IGFBP7: variants seen among roughly 807,000 people sequenced by gnomAD.
IGFBP7 encodes insulin-like growth factor-binding protein 7.
A neutral mutation model predicts 29.4 loss-of-function variants in IGFBP7; 31 were observed. The observed-to-expected ratio is 1.05, with a 90% CI of 0.79 to 1.42. The LOEUF is 1.42. Among genes scored for constraint, IGFBP7 ranks in the 40% most tolerant of loss-of-function variants. The probability of loss-of-function intolerance (pLI) is 0.00; values close to 1 mark genes in which losing one functional copy is unlikely to be tolerated. For missense variants in IGFBP7, 393 were observed against 395.5 expected (o/e 0.99, Z 0.05); for synonymous variants, 172 against 174.9 (o/e 0.98, Z 0.13).
chr4:57,064,742 CTTATA>C (rs1184992740), intron 1 of IGFBP7, among the ~76,000 whole-genome samples: 1 of 152,188 alleles, frequency 6.6e-6, no homozygotes, highest in African/African-American at 2.4e-5. Flanking sequence ...GACCAAATCT[CTTATA>C]TAAGAGGCCC....
At chr4:57,069,310 CT>C (rs1337432128) in intron 1 of IGFBP7, among the ~76,000 whole-genome samples, 1 of 152,040 alleles carries the variant, frequency 6.6e-6, no homozygotes, top group African/African-American at 2.4e-5. Context: ...GCAAATAGGC[CT>C]GGGGTGATGG....
At chr4:57,090,179 C>T (rs1433965373) in intron 1 of IGFBP7, among the ~76,000 whole-genome samples, 1 of 152,170 alleles carries the variant, frequency 6.6e-6, no homozygotes, top group Non-Finnish European at 1.5e-5. Flanking sequence ...TCTTCTCTTC[C>T]TCTTCCCCAA....
Position 57,031,224 on chromosome 4 carries a change from G to A in IGFBP7, c.*93C>T, listed in dbSNP as rs1281530606. 5 of 1,043,134 alleles carry A rather than the reference G, an allele frequency of 4.8e-6. No individual in the cohort carries two copies. Among genetic ancestry groups the A allele is most frequent in the Non-Finnish European group, 7.4e-6 (5 of 671,884 alleles). 64.6% of individuals were successfully genotyped at this position (1,043,134 alleles called of 1,614,324 possible). Reference sequence around the variant, plus strand: ...CAGTGAATATAACTAAAGTGTTAGTGGATTGGATTAAAAGAAACTTATTAG... The same window carrying A: ...CAGTGAATATAACTAAAGTGTTAGTAGATTGGATTAAAAGAAACTTATTAG... On this transcript the variant is annotated 3_prime_UTR_variant, in exon 5 of 5. Coordinates refer to ENST00000295666, the MANE Select transcript of IGFBP7 (RefSeq NM_001553.3).
chr4:57,033,189 A>C lies in IGFBP7; in HGVS notation c.702+6T>G, dbSNP rs762529300. 3.3e-5 allele frequency: 51 copies of C among 1,565,088 alleles called. No homozygotes were observed. The highest frequency in any genetic ancestry group is 5.0e-5 in the Admixed American group (3 of 59,914). On this transcript the variant is annotated splice_donor_region_variant and intron_variant, in intron 3 of 4. Transcript: ENST00000295666. ...ACTCTTGCCAGCTCTTGGTACTGGT[A>C]CTCACCAGCACCCAGCCAGTTACTT...
At chr4:57,073,448 A>G (rs970730296) in intron 1 of IGFBP7, among the ~76,000 whole-genome samples, 1 of 151,816 alleles carries the variant, frequency 6.6e-6, no homozygotes, top group African/African-American at 2.4e-5. Flanking sequence ...TGTAAAAATT[A>G]GCTGGGCATG....
At position 57,054,445 on chromosome 4, in the gene IGFBP7, T is replaced by C. The variant is rs558589603; in HGVS notation, c.476-13512A>G. ...GTCAGGAGATCGAGACCATCCTGGC[T>C]AACATGGTGAAAACCCGTCTCTACT... On this transcript the variant is annotated intron_variant, in intron 1 of 4. Coordinates refer to ENST00000295666, the MANE Select transcript of IGFBP7 (RefSeq NM_001553.3). Among the ~76,000 whole-genome samples the C allele has an allele frequency of 1.8e-4, 28 of 152,020 alleles. No individual in the cohort carries two copies. The East Asian group carries it at 4.3e-3, about 23-fold the overall frequency.
intron 1 of IGFBP7, among the ~76,000 whole-genome samples, chr4:57,043,288 C>T (rs1163752971): frequency 6.6e-5 from 10 of 152,278 alleles, no homozygotes; most frequent in Admixed American, 2.6e-4. Context: ...CCATGCTTAG[C>T]ATGGTTTCTT....
intron 1 of IGFBP7, among the ~76,000 whole-genome samples, chr4:57,042,503 A>G (rs1340090377): frequency 1.3e-5 from 2 of 152,212 alleles, no homozygotes; most frequent in African/African-American, 4.8e-5. Context: ...CTACAAGTGC[A>G]TGCCCAGCTA....
At chr4:57,088,342 AT>A (rs1282715958) in intron 1 of IGFBP7, among the ~76,000 whole-genome samples, 1 of 152,182 alleles carries the variant, frequency 6.6e-6, no homozygotes, top group Non-Finnish European at 1.5e-5. Flanking sequence ...TGCCACAAAT[AT>A]AATGTTAAAA....
intron 1 of IGFBP7, among the ~76,000 whole-genome samples, chr4:57,090,665 C>T (rs746461437): frequency 2.0e-4 from 30 of 151,946 alleles, no homozygotes; most frequent in Admixed American, 4.6e-4. Context: ...GGTGAAACCC[C>T]GTCTCTACTA....
intron 1 of IGFBP7, among the ~76,000 whole-genome samples, chr4:57,041,442 G>A (rs2109744244): frequency 6.6e-6 from 1 of 152,338 alleles, no homozygotes; most frequent in South Asian, 2.1e-4. Flanking sequence ...TAGGATCTAA[G>A]GTTGAAAAGG....
At position 57,033,238 on chromosome 4, in the gene IGFBP7, G is replaced by T. The variant is rs1723991770; in HGVS notation, c.659C>A (p.Thr220Asn). The change falls in exon 3 of 5, where the codon ACC becomes AAC. Residue 220 changes from threonine (T) to asparagine (N), a missense_variant. By Grantham distance (65) the Thr-to-Asn change is moderately conservative. Transcript: ENST00000295666. ...TTCATGCTTTTCTGGGCCACCCCGG[G>T]TCTGAATGGCCAGGTTGTCCCGGTC... The part of the protein sequence containing the change: ...PGDRDNLAIQ[T>N]RGGPEKHEVT... 10 of 1,614,018 alleles carry T rather than the reference G, an allele frequency of 6.2e-6. No homozygotes were observed. In the Admixed American group the frequency reaches 1.5e-4, roughly 24 times the overall value.
chr4:57,058,131 C>CA (rs33988596), intron 1 of IGFBP7, among the ~76,000 whole-genome samples: 1 of 151,678 alleles, frequency 6.6e-6, no homozygotes, highest in Non-Finnish European at 1.5e-5. Flanking sequence ...TTTTAACTTA[C>CA]AAAAAAATAA....
intron 4 of IGFBP7, 72 bp downstream of exon 4, chr4:57,032,353 TC>T: frequency 1.3e-6 from 2 of 1,574,442 alleles, no homozygotes; most frequent in Non-Finnish European, 1.7e-6. Flanking sequence ...TCTGATACTT[TC>T]ATACTTAGTT....
chr4:57,055,638 G>C (rs1201545123), intron 1 of IGFBP7, among the ~76,000 whole-genome samples: 3 of 56,686 alleles, frequency 5.3e-5, no homozygotes, highest in Non-Finnish European at 8.2e-5. Context: ...GGTGGACAGG[G>C]TCATCGCGGT....
chr4:57,078,033 C>T (rs765722038), intron 1 of IGFBP7, among the ~76,000 whole-genome samples: 1 of 152,142 alleles, frequency 6.6e-6, no homozygotes, highest in Non-Finnish European at 1.5e-5. Context: ...GACCGGATGA[C>T]TTTCATGGTT....
intron 1 of IGFBP7, among the ~76,000 whole-genome samples, chr4:57,095,994 A>T (rs1157877973): frequency 1.3e-5 from 2 of 152,106 alleles, no homozygotes; most frequent in Non-Finnish European, 2.9e-5. Flanking sequence ...CGGTTTAGAC[A>T]TTGGAGATTC....
At chr4:57,054,971 C>T (rs1724615514) in intron 1 of IGFBP7, among the ~76,000 whole-genome samples, 1 of 152,190 alleles carries the variant, frequency 6.6e-6, no homozygotes, top group African/African-American at 2.4e-5. Flanking sequence ...AAGATTCACA[C>T]TTTAGAAATC....
chr4:57,051,203 T>C (rs1310035266), intron 1 of IGFBP7, among the ~76,000 whole-genome samples: 1 of 152,184 alleles, frequency 6.6e-6, no homozygotes, highest in Non-Finnish European at 1.5e-5. Flanking sequence ...GGAAGCTTCC[T>C]GATATTAAAT....
Sources: gnomAD v4.1 joint callset for allele counts (sites outside exome capture counted in the v4.1 genomes callset) on GRCh38, gnomAD v4.1.1 for gene constraint, MANE v1.5 for transcripts, NCBI Gene and HGNC (gene_info 2026-07-23, HGNC 2026-07-21) for gene names.